Variants in MTHFD1L observed in about 807,000 individuals in gnomAD.
MTHFD1L encodes the protein monofunctional C1-tetrahydrofolate synthase, mitochondrial.
MTHFD1L carries 81 observed loss-of-function variants against 119.5 expected under a neutral mutation model. The ratio of observed to expected loss-of-function variants is 0.68; its 90% CI spans 0.57 to 0.82. MTHFD1L has a LOEUF of 0.82. Among genes scored for constraint, MTHFD1L ranks in the 40% least tolerant of loss-of-function variants. MTHFD1L has a pLI of 0.00. For missense variants in MTHFD1L, 1,125 were observed against 1,253.4 expected (o/e 0.90, Z 1.55); for synonymous variants, 430 against 475.2 (o/e 0.90, Z 1.24).
chr6:151,086,552 C>G lies in MTHFD1L; in HGVS notation c.2848-5915C>G, dbSNP rs192969856. Among the ~76,000 whole-genome samples the G allele has an allele frequency of 3.5e-3, 539 of 152,106 alleles. 15 individuals carry two copies. The highest frequency in any genetic ancestry group is 3.4e-4 in the Non-Finnish European group (23 of 68,008). On this transcript the variant is annotated intron_variant, in intron 26 of 27. Transcript: ENST00000367321. ...TTAAATATTAATTATTTTTTTGAGA[C>G]AGGGTCTGGCTCTGTTGCTCAGGCT...
intron 19 of MTHFD1L, 63 bp from the exon 20 acceptor site, chr6:150,971,884 G>T (rs1798040735): frequency 2.1e-6 from 3 of 1,433,124 alleles, no homozygotes; most frequent in Non-Finnish European, 2.9e-6. Context: ...GCCCCAAATT[G>T]ATCTTGGTTT....
chr6:150,977,991 C>T (rs1307096722), intron 20 of MTHFD1L, among the ~76,000 whole-genome samples: 2 of 151,710 alleles, frequency 1.3e-5, no homozygotes, highest in Non-Finnish European at 2.9e-5. Context: ...ACCTCCACCT[C>T]CCAGGTTCAA....
intron 17 of MTHFD1L, chr6:150,959,208 G>A: frequency 1.0e-6 from 1 of 984,750 alleles, no homozygotes; most frequent in East Asian, 1.1e-4. Context: ...CCAGGAAGTA[G>A]CCAGAAAGCT....
intron 26 of MTHFD1L, among the ~76,000 whole-genome samples, chr6:151,041,352 T>C (rs1787078864): frequency 6.6e-6 from 1 of 152,190 alleles, no homozygotes; most frequent in African/African-American, 2.4e-5. Context: ...ATCACCCGTG[T>C]GGGAGACAGG....
At chr6:150,977,928 TC>T (rs1266812938) in intron 20 of MTHFD1L, among the ~76,000 whole-genome samples, 1 of 144,598 alleles carries the variant, frequency 6.9e-6, no homozygotes, top group Admixed American at 7.2e-5. Flanking sequence ...TGAGATGGAG[TC>T]CCACTCTGTC....
intron 11 of MTHFD1L, among the ~76,000 whole-genome samples, chr6:150,930,373 G>A (rs1301538055): frequency 1.3e-5 from 2 of 152,188 alleles, no homozygotes; most frequent in South Asian, 2.1e-4. Flanking sequence ...GGAAATGACT[G>A]TTATCAAACC....
chr6:150,942,248 A>G (rs1308617476), intron 13 of MTHFD1L, among the ~76,000 whole-genome samples: 2 of 152,240 alleles, frequency 1.3e-5, no homozygotes, highest in South Asian at 2.1e-4. Flanking sequence ...AACAAGAGCG[A>G]GACTCCGTCT....
intron 26 of MTHFD1L, among the ~76,000 whole-genome samples, chr6:151,076,282 T>C (rs1157004737): frequency 6.6e-6 from 1 of 152,062 alleles, no homozygotes; most frequent in African/African-American, 2.4e-5. Context: ...TGAGCCCAGG[T>C]TGAGGCTGTA....
At chr6:150,996,902 C>T (rs964936525) in intron 20 of MTHFD1L, among the ~76,000 whole-genome samples, 1 of 152,152 alleles carries the variant, frequency 6.6e-6, no homozygotes, top group African/African-American at 2.4e-5. Flanking sequence ...GCCTTGAATT[C>T]GCCTGCTTTC....
intron 21 of MTHFD1L, among the ~76,000 whole-genome samples, chr6:151,011,488 C>A (rs572867143): frequency 6.6e-6 from 1 of 152,296 alleles, no homozygotes; most frequent in East Asian, 1.9e-4. Flanking sequence ...TGGTGTCACA[C>A]ATCTATTTCA....
intron 20 of MTHFD1L, among the ~76,000 whole-genome samples, chr6:150,975,196 G>A (rs1776387427): frequency 6.6e-6 from 1 of 152,196 alleles, no homozygotes; most frequent in Non-Finnish European, 1.5e-5. Context: ...ATATTTTAAT[G>A]TCTAAAAATC....
intron 20 of MTHFD1L, among the ~76,000 whole-genome samples, chr6:151,000,809 A>G (rs920203963): frequency 5.3e-5 from 8 of 152,194 alleles, no homozygotes; most frequent in Non-Finnish European, 1.0e-4. Flanking sequence ...AGGCAGCCTG[A>G]AGATTCTACT....
At chr6:151,087,250 AAAATAAATAAATAAATAAAT>A (rs10684000) in intron 26 of MTHFD1L, among the ~76,000 whole-genome samples, 92 of 145,466 alleles carry the variant, frequency 6.3e-4, no homozygotes, top group African/African-American at 2.0e-3. Flanking sequence ...GGCCATCTCA[AAAATAAATAAATAAATAAAT>A]AAATAAATAA....
intron 20 of MTHFD1L, among the ~76,000 whole-genome samples, chr6:151,001,733 T>C (rs940222347): frequency 5.3e-5 from 8 of 151,994 alleles, no homozygotes; most frequent in African/African-American, 1.9e-4. Context: ...CTGCCTGGGG[T>C]TGGGTACCAA....
intron 18 of MTHFD1L, among the ~76,000 whole-genome samples, chr6:150,964,198 T>C (rs1331092014): frequency 1.3e-5 from 2 of 152,220 alleles, no homozygotes; most frequent in East Asian, 3.9e-4. Context: ...CATTAAAAAA[T>C]AATAACAAAC....
chr6:150,889,020 C>CA (rs750338187), intron 7 of MTHFD1L, among the ~76,000 whole-genome samples: 11 of 151,780 alleles, frequency 7.2e-5, no homozygotes, highest in Admixed American at 6.6e-4. Flanking sequence ...ACTAAAAATA[C>CA]AAAAAAATTA....
intron 9 of MTHFD1L, among the ~76,000 whole-genome samples, chr6:150,921,396 G>A (rs1244451690): frequency 5.3e-5 from 8 of 151,970 alleles, no homozygotes; most frequent in East Asian, 1.9e-4. Context: ...GATTACAGGC[G>A]TGAGCCACTG....
chr6:151,012,016 CAACAAAAAAAAAAAA>C (rs1269344032), intron 21 of MTHFD1L, among the ~76,000 whole-genome samples: 3 of 27,600 alleles, frequency 1.1e-4, no homozygotes, highest in Non-Finnish European at 2.0e-4. Context: ...ACAACAACAA[CAACAAAAAAAAAAAA>C]AAAAAAAAAA....
At position 150,939,324 on chromosome 6, in the gene MTHFD1L, A is replaced by C. The variant is rs545687079; in HGVS notation, c.1440+579A>C. The C allele has an allele frequency of 2.0e-5, 3 of 152,446 alleles. No homozygotes were observed. The East Asian group carries it at 5.8e-4, about 29-fold the overall frequency. The allele number at this position is 152,446 out of a possible 1,614,324, so 9.4% of individuals were successfully genotyped here. A position where few individuals can be genotyped will look rare whatever the true frequency, so the allele number is the denominator to read the frequency against. On this transcript the variant is annotated intron_variant, in intron 13 of 27. Transcript: ENST00000367321. ...ACACAAATTTGTGAAGTGTCCCATT[A>C]AAAATAAAAGACCCCAAAATAAAAG... is the stretch of plus-strand genomic sequence containing the variant.
Sources: gnomAD v4.1 joint callset for allele counts (sites outside exome capture counted in the v4.1 genomes callset) on GRCh38, gnomAD v4.1.1 for gene constraint, MANE v1.5 for transcripts, NCBI Gene and HGNC (gene_info 2026-07-23, HGNC 2026-07-21) for gene names.